The following ITGA11 variants were observed in gnomAD, a reference collection of about 807,000 sequenced individuals.
ITGA11 encodes the protein integrin alpha-11.
A neutral mutation model predicts 141.9 loss-of-function variants in ITGA11; 97 were observed. The ratio of observed to expected loss-of-function variants is 0.68; its 90% CI spans 0.58 to 0.81. The LOEUF (loss-of-function observed/expected upper bound fraction) is 0.81, where lower values mean the gene tolerates loss of function less well. Ranked by LOEUF, ITGA11 falls within the 30% of genes least tolerant of loss-of-function variation. The pLI is 0.00. For synonymous variants in ITGA11, 658 were observed against 624.6 expected (o/e 1.05, Z -0.80); for missense variants, 1,387 against 1,559.2 (o/e 0.89, Z 1.86).
chr15:68,375,203 C>A (rs1002316849), intron 2 of ITGA11, among the ~76,000 whole-genome samples: 1 of 152,204 alleles, frequency 6.6e-6, no homozygotes, highest in Non-Finnish European at 1.5e-5. Context: ...CTCAACACAG[C>A]CCCCGCTCCC....
In ITGA11 at chr15:68,357,172, G is replaced by A. The variant is rs1422163791; in HGVS notation, c.728C>T (p.Ala243Val). The A allele has an allele frequency of 2.5e-6, 4 of 1,612,604 alleles. No homozygotes were observed. In the African/African-American group the frequency reaches 5.4e-5, roughly 22 times the overall value. ...TTACCGTGCAAATTCAATGCCAAAT[G>A]CCGTCCGGGTCTCTGTTCCTCCTCT... is the stretch of plus-strand genomic sequence containing the variant. ...EQRGGTETRT[A>V]FGIEFARSEA... The change falls in exon 7 of 30, where the codon GCA becomes GTA. Residue 243 changes from alanine (A) to valine (V), a missense_variant. Ala to Val is a moderately conservative substitution (Grantham distance 64). Coordinates refer to ENST00000315757, the MANE Select transcript of ITGA11 (RefSeq NM_001004439.2).
At position 68,307,562 on chromosome 15, in the gene ITGA11, G is replaced by A. The variant is rs749393272; in HGVS notation, c.3285+24C>T. On this transcript the variant is annotated intron_variant, in intron 27 of 29. Coordinates refer to ENST00000315757, the MANE Select transcript of ITGA11 (RefSeq NM_001004439.2). This position sits in a 1 kb window ranked among gnomAD's most constrained non-coding sequence, Gnocchi z 6.1. The stretch of plus-strand genomic sequence containing the variant: ...CGCCCCCTTTCCCTTCTTCCTTCCA[G>A]CCCAGCCCAGGGGCTCTACTTACTG... 1.3e-6 allele frequency: 2 copies of A among 1,573,940 alleles called. No homozygotes were observed. Among genetic ancestry groups the A allele is most frequent in the Non-Finnish European group, 1.7e-6 (2 of 1,147,906 alleles).
chr15:68,321,473 C>T lies in ITGA11; in HGVS notation c.2353G>A (p.Glu785Lys), dbSNP rs1386053758. 5.0e-6 allele frequency: 8 copies of T among 1,595,836 alleles called. No homozygotes were observed. Among genetic ancestry groups the T allele is most frequent in the Non-Finnish European group, 6.8e-6 (8 of 1,171,154 alleles). The change falls in exon 19 of 30, where the codon GAG (glutamate) becomes AAG (lysine). Residue 785 changes from glutamate (E) to lysine (K), a missense_variant. Glu to Lys is a moderately conservative substitution (Grantham distance 56). Coordinates refer to ENST00000315757, the MANE Select transcript of ITGA11 (RefSeq NM_001004439.2). The surrounding 1 kb of genome is among the most constrained non-coding windows in gnomAD (Gnocchi z 4.9). Reference sequence around the variant, plus strand: ...AACACAAGGTCAGGGACACAGTGCTCATCCTCATTGCAGCCGTTCCAGAAG... The same window carrying T: ...AACACAAGGTCAGGGACACAGTGCTTATCCTCATTGCAGCCGTTCCAGAAG... ...VPFWNGCNEDEHCVPDLVLDA... is the reference protein window; with the variant it reads ...VPFWNGCNEDKHCVPDLVLDA...
In ITGA11 at chr15:68,335,683, T is replaced by C. The variant is rs1337992051; in HGVS notation, c.1425+14A>G. On this transcript the variant is annotated intron_variant, in intron 12 of 29. Transcript: ENST00000315757. The surrounding 1 kb of genome is among the most constrained non-coding windows in gnomAD (Gnocchi z 4.9). ...TCTTCCCTCCATCCCGGCCCCAGGCTCCCCCTCCATTACCTGCTGGCCCCG... is the reference window on the plus strand; with the variant it reads ...TCTTCCCTCCATCCCGGCCCCAGGCCCCCCCTCCATTACCTGCTGGCCCCG... The C allele has an allele frequency of 6.2e-7, 1 of 1,612,736 alleles. No homozygotes were observed. Among genetic ancestry groups the C allele is most frequent in the Admixed American group, 1.7e-5 (1 of 59,904 alleles).
intron 6 of ITGA11, 148 bp downstream of exon 6, chr15:68,358,310 T>C (rs55740555): frequency 0.042 from 30,943 of 742,338 alleles, 1,599 homozygotes; most frequent in African/African-American, 0.21. Flanking sequence ...TGAGCTGCAG[T>C]GCCCCAGTGC....
chr15:68,311,375 TG>T lies in ITGA11; in HGVS notation c.3001del (p.His1001ThrfsTer3). The T allele has an allele frequency of 1.3e-6, 2 of 1,569,442 alleles. No homozygotes were observed. The highest frequency in any genetic ancestry group is 1.7e-6 in the Non-Finnish European group (2 of 1,156,000). On this transcript the variant is annotated frameshift_variant, in exon 25 of 30. Transcript: ENST00000315757. LOFTEE classifies it high-confidence loss of function. ...RIQNLGLFPIHGMMMKITIPI... is the reference protein window; with the variant it reads ...RIQNLGLFPIXGMMMKITIPI... The stretch of plus-strand genomic sequence containing the variant: ...AATGGTGATCTTCATCATCATCCCG[TG>T]GATGGGGAACAAGCCCAAGTTCTGG...
chr15:68,365,792 G>C (rs1595879865), intron 3 of ITGA11, among the ~76,000 whole-genome samples: 1 of 151,892 alleles, frequency 6.6e-6, no homozygotes, highest in East Asian at 1.9e-4. Context: ...CTAGAGTGGA[G>C]TGGCACCATC....
rs757193518 is a variant in ITGA11, at chr15:68,358,467, C to T, written c.591G>A (p.Gly197=). Residue 197 remains glycine (G), a synonymous_variant, in exon 6 of 30, where the codon GGG becomes GGA. Coordinates refer to ENST00000315757, the MANE Select transcript of ITGA11 (RefSeq NM_001004439.2). ...NILKKFYIGP[G]QIQVGVVQYG... Reference sequence around the variant, plus strand: ...CCCAAGAGATGCTCACCTGGATCTGCCCTGGGCCAATGTAAAACTTTTTCA... The same window carrying T: ...CCCAAGAGATGCTCACCTGGATCTGTCCTGGGCCAATGTAAAACTTTTTCA... 1.9e-6 allele frequency: 3 copies of T among 1,609,910 alleles called. No individual in the cohort carries two copies. The highest frequency in any genetic ancestry group is 1.1e-5 in the South Asian group (1 of 89,894).
intron 2 of ITGA11, among the ~76,000 whole-genome samples, chr15:68,381,300 G>A (rs1268379762): frequency 6.6e-6 from 1 of 152,122 alleles, no homozygotes. Flanking sequence ...GGAACCCCTG[G>A]ATTATTTTAT....
chr15:68,372,616 C>T (rs1356436294), intron 2 of ITGA11, among the ~76,000 whole-genome samples: 1 of 152,218 alleles, frequency 6.6e-6, no homozygotes, highest in Non-Finnish European at 1.5e-5. Flanking sequence ...CCCTGTTGAC[C>T]AACCTCTAAG....
chr15:68,404,255 G>A (rs73433958), intron 1 of ITGA11, among the ~76,000 whole-genome samples: 5,684 of 152,160 alleles, frequency 0.037, 170 homozygotes, highest in African/African-American at 0.084. Flanking sequence ...CCGGCACTGG[G>A]CTCCCCACTT....
At chr15:68,369,050 G>A (rs1240379008) in intron 3 of ITGA11, 134 bp downstream of exon 3, 2 of 671,854 alleles carry the variant, frequency 3.0e-6, no homozygotes, top group Non-Finnish European at 5.3e-6. Context: ...AGTGGGGGCA[G>A]TGATATCAGC....
chr15:68,398,544 T>G (rs1896380484), intron 2 of ITGA11, among the ~76,000 whole-genome samples: 2 of 150,524 alleles, frequency 1.3e-5, no homozygotes, highest in South Asian at 4.2e-4. Context: ...CTCCCACACA[T>G]TAATAATGGG....
rs1156643181 is a variant in ITGA11 at position 68,303,083 on chromosome 15, G to A, written c.3543C>T (p.Asp1181=). 1 of 1,550,464 alleles carries A rather than the reference G, an allele frequency of 6.4e-7. No homozygotes were observed. The highest frequency in any genetic ancestry group is 2.4e-5 in the East Asian group (1 of 40,966). Residue 1181 remains aspartate, a synonymous_variant, in exon 30 of 30, where the codon GAC becomes GAT. Transcript: ENST00000315757. This position sits in a 1 kb window ranked among gnomAD's most constrained non-coding sequence, Gnocchi z 5.3. ...SARRRREPGL[D]PTPKVLE is the part of the protein sequence containing the mutation. ...CTCACTCCAGCACTTTGGGGGTGGG[G>A]TCCAGACCAGGCTCCCTCCTGCGCC...
chr15:68,330,318 G>T (rs776780575), intron 15 of ITGA11, among the ~76,000 whole-genome samples: 7 of 152,152 alleles, frequency 4.6e-5, no homozygotes, highest in Non-Finnish European at 8.8e-5. Flanking sequence ...TAAAATTACA[G>T]GCAAGGGAAA....
chr15:68,380,327 C>G (rs961730447), intron 2 of ITGA11, among the ~76,000 whole-genome samples: 1 of 152,192 alleles, frequency 6.6e-6, no homozygotes, highest in East Asian at 1.9e-4. Flanking sequence ...AAGTGACCCA[C>G]GGTGAGTCAC....
intron 2 of ITGA11, among the ~76,000 whole-genome samples, chr15:68,381,512 T>A (rs1478656918): frequency 6.6e-6 from 1 of 152,134 alleles, no homozygotes; most frequent in African/African-American, 2.4e-5. Flanking sequence ...CAGGTATCCC[T>A]GACTTTGACC....
chr15:68,338,415 T>C (rs904678582), intron 11 of ITGA11, among the ~76,000 whole-genome samples: 1 of 152,250 alleles, frequency 6.6e-6, no homozygotes, highest in Non-Finnish European at 1.5e-5. Flanking sequence ...GCACTTAACA[T>C]GGCACTCTGA....
At position 68,350,788 on chromosome 15, in the gene ITGA11, A is replaced by T; in HGVS notation, c.895-6T>A. ...CGGTTGTAGTAGCCCAGGACCTGCC[A>T]GGGAACAGGGGCAGGAACCACAAAC... On this transcript the variant is annotated splice_polypyrimidine_tract_variant and splice_region_variant and intron_variant, in intron 8 of 29. Transcript: ENST00000315757. The T allele has an allele frequency of 6.2e-7, 1 of 1,610,132 alleles. No individual in the cohort carries two copies. The highest frequency in any genetic ancestry group is 8.5e-7 in the Non-Finnish European group (1 of 1,177,800).
Sources: allele counts gnomAD v4.1 joint callset (sites outside exome capture counted in the v4.1 genomes callset), GRCh38; gene constraint gnomAD v4.1.1; non-coding constraint Gnocchi (gnomAD v3.1); transcripts MANE v1.5; gene names NCBI Gene and HGNC (gene_info 2026-07-23, HGNC 2026-07-21).